Variants in COQ10B observed in about 807,000 individuals in gnomAD.
The protein encoded by COQ10B is coenzyme Q10B, also known as coenzyme Q-binding protein COQ10 homolog B, mitochondrial.
A neutral mutation model predicts 27.6 loss-of-function variants in COQ10B; 12 were observed. The ratio of observed to expected loss-of-function variants is 0.43; its 90% CI spans 0.28 to 0.70. COQ10B has a LOEUF of 0.70. Ranked by LOEUF, COQ10B falls within the 30% of genes least tolerant of loss-of-function variation. The pLI is 0.17. For missense variants in COQ10B, 278 were observed against 288.7 expected (o/e 0.96, Z 0.27); for synonymous variants, 115 against 103.0 (o/e 1.12, Z -0.71).
chr2:197,466,086 G>A (rs1319101820), intron 3 of COQ10B, among the ~76,000 whole-genome samples: 3 of 152,092 alleles, frequency 2.0e-5, no homozygotes, highest in South Asian at 2.1e-4. Context: ...GTGAAATTCC[G>A]TCTCAAAACA....
rs2085772226 is a variant in COQ10B, at chr2:197,462,534, T to A, written c.255-5T>A. 4.0e-6 allele frequency: 6 copies of A among 1,501,556 alleles called. No individual in the cohort carries two copies. Among genetic ancestry groups the A allele is most frequent in the Non-Finnish European group, 5.4e-6 (6 of 1,102,782 alleles). The allele number at this position is 1,501,556 out of a possible 1,614,324, so 93.0% of individuals were successfully genotyped here. ...ACACCTCTTTTTTATTTTTATTTTT[T>A]AAAGATATTCAATGCAGGAAATGTA... On this transcript the variant is annotated splice_region_variant and splice_polypyrimidine_tract_variant and intron_variant, in intron 2 of 4. Transcript: ENST00000263960.
intron 1 of COQ10B, among the ~76,000 whole-genome samples, chr2:197,454,472 G>T (rs1199407669): frequency 6.6e-6 from 1 of 151,880 alleles, no homozygotes; most frequent in African/African-American, 2.4e-5. Flanking sequence ...GACCCTACTG[G>T]AAACAAGGAA....
chr2:197,467,101 C>T (rs1189428561), intron 3 of COQ10B, among the ~76,000 whole-genome samples: 2 of 151,792 alleles, frequency 1.3e-5, no homozygotes, highest in African/African-American at 4.8e-5. Flanking sequence ...CACGTGCCAC[C>T]ACACTGAGCT....
At chr2:197,459,748 GT>G (rs576394326) in intron 1 of COQ10B, among the ~76,000 whole-genome samples, 183 bp from the exon 2 acceptor site, 74 of 141,498 alleles carry the variant, frequency 5.2e-4, no homozygotes, top group South Asian at 6.7e-4. Context: ...TGTTATTTTT[GT>G]TTTTTTTTTT....
chr2:197,460,149 C>T (rs1048676949), intron 2 of COQ10B, 68 bp downstream of exon 2: 24 of 1,092,990 alleles, frequency 2.2e-5, no homozygotes, highest in Admixed American at 1.1e-4. Flanking sequence ...TCGTGTTGTG[C>T]CTCTTTCTCT....
intron 4 of COQ10B, 96 bp from the exon 5 acceptor site, chr2:197,473,660 TG>T: frequency 1.1e-6 from 1 of 872,392 alleles, no homozygotes; most frequent in Non-Finnish European, 1.6e-6. Context: ...CACTCCAACC[TG>T]GGCAACAAAG....
intron 1 of COQ10B, among the ~76,000 whole-genome samples, chr2:197,457,013 G>T (rs2085707342): frequency 6.6e-6 from 1 of 152,060 alleles, no homozygotes; most frequent in African/African-American, 2.4e-5. Flanking sequence ...GTGGGGGATG[G>T]CTTCAGGATG....
At chr2:197,460,596 A>G (rs1303631326) in intron 2 of COQ10B, among the ~76,000 whole-genome samples, 1 of 152,198 alleles carries the variant, frequency 6.6e-6, no homozygotes, top group Non-Finnish European at 1.5e-5. Flanking sequence ...TTTATGACTT[A>G]CATTTTTTGT....
chr2:197,464,095 A>C (rs1005059677), intron 3 of COQ10B, among the ~76,000 whole-genome samples: 1 of 146,004 alleles, frequency 6.8e-6, no homozygotes, highest in East Asian at 2.0e-4. Context: ...ATATATATAC[A>C]TATATATGTA....
At chr2:197,464,024 C>CAT (rs2085796230) in intron 3 of COQ10B, among the ~76,000 whole-genome samples, 2 of 110,002 alleles carry the variant, frequency 1.8e-5, no homozygotes, top group South Asian at 2.9e-4. Context: ...CACACACACA[C>CAT]ACATACATAC....
At chr2:197,457,147 T>A (rs2085708897) in intron 1 of COQ10B, among the ~76,000 whole-genome samples, 1 of 152,174 alleles carries the variant, frequency 6.6e-6, no homozygotes, top group Admixed American at 6.5e-5. Flanking sequence ...ATGCCACCGC[T>A]GATCTGACAG....
intron 2 of COQ10B, among the ~76,000 whole-genome samples, chr2:197,461,142 T>A (rs753671646): frequency 2.6e-5 from 4 of 152,230 alleles, no homozygotes; most frequent in Admixed American, 6.5e-5. Flanking sequence ...TATTACTAGC[T>A]AGTCTCTGTA....
chr2:197,455,366 C>T (rs141544530), intron 1 of COQ10B, among the ~76,000 whole-genome samples: 1 of 152,046 alleles, frequency 6.6e-6, no homozygotes, highest in Non-Finnish European at 1.5e-5. Flanking sequence ...TGGCTTATGC[C>T]TGTAATTCCA....
chr2:197,469,192 A>T (rs1390570526), intron 3 of COQ10B, among the ~76,000 whole-genome samples: 1 of 151,966 alleles, frequency 6.6e-6, no homozygotes, highest in Non-Finnish European at 1.5e-5. Context: ...GCATCACTAA[A>T]CCTGGCTAAT....
rs1287777832 is a variant in COQ10B, at chr2:197,472,818, A to AG, written c.550-939_550-938insG. On this transcript the variant is annotated intron_variant, in intron 4 of 4. Transcript: ENST00000263960. ...TCCATCTCAAAAAAAAAAAAAAAAA[A>AG]AAAGAAAGATTAAACCACTTACACC... 5.6e-3 allele frequency among the ~76,000 whole-genome samples: 844 copies of AG among 151,394 alleles called. 11 individuals are homozygous for AG. Among genetic ancestry groups the AG allele is most frequent in the African/African-American group, 0.019 (797 of 41,168 alleles).
intron 4 of COQ10B, among the ~76,000 whole-genome samples, chr2:197,473,256 A>T (rs986965297): frequency 6.6e-6 from 1 of 151,090 alleles, no homozygotes; most frequent in Non-Finnish European, 1.5e-5. Context: ...GATTTAGTTT[A>T]AAAAAAATCT....
At chr2:197,464,373 A>G (rs900391851) in intron 3 of COQ10B, among the ~76,000 whole-genome samples, 2 of 152,120 alleles carry the variant, frequency 1.3e-5, no homozygotes, top group Non-Finnish European at 1.5e-5. Context: ...GCCAGAGCCA[A>G]ATACCTTAGT....
intron 1 of COQ10B, among the ~76,000 whole-genome samples, chr2:197,459,223 G>C (rs912540766): frequency 6.6e-6 from 1 of 152,174 alleles, no homozygotes; most frequent in South Asian, 2.1e-4. Context: ...TGCAGTGCCC[G>C]TGGTGTGTTC....
chr2:197,459,869 A>G, intron 1 of COQ10B, 63 bp from the exon 2 acceptor site: 1 of 1,274,200 alleles, frequency 7.8e-7, no homozygotes, highest in Non-Finnish European at 1.1e-6. Context: ...TATAGTTTCT[A>G]TAATTTGTGC....
Sources: gnomAD v4.1 joint callset for allele counts (sites outside exome capture counted in the v4.1 genomes callset) on GRCh38, gnomAD v4.1.1 for gene constraint, MANE v1.5 for transcripts, NCBI Gene and HGNC (gene_info 2026-07-23, HGNC 2026-07-21) for gene names.